Variants in AGTPBP1 observed in about 807,000 individuals in gnomAD.
AGTPBP1 encodes the protein cytosolic carboxypeptidase 1.
Under a neutral mutation model 143.9 loss-of-function variants are expected in AGTPBP1, and 70 were observed. That is an observed-to-expected ratio of 0.49 (90% CI 0.40 to 0.59). The LOEUF is 0.59. AGTPBP1 is among the 20% of genes least tolerant of loss of function. The pLI, the probability that AGTPBP1 is intolerant of heterozygous loss-of-function variation, is 0.00. For missense variants in AGTPBP1, 1,229 were observed against 1,464.5 expected (o/e 0.84, Z 2.62); for synonymous variants, 463 against 500.2 (o/e 0.93, Z 0.99).
the AGTPBP1 span, among the ~76,000 whole-genome samples, chr9:85,766,735 G>C: frequency 6.6e-6 from 1 of 152,020 alleles, no homozygotes; most frequent in Non-Finnish European, 1.5e-5. Context: ...CTCTTATCAC[G>C]ATTTTAAAGC....
intron 24 of AGTPBP1, among the ~76,000 whole-genome samples, chr9:85,576,858 G>GAAAGC (rs1827932415): frequency 6.6e-6 from 1 of 152,052 alleles, no homozygotes; most frequent in Non-Finnish European, 1.5e-5. Flanking sequence ...GACATTAAAG[G>GAAAGC]AAAGCCCTGG....
At position 85,599,830 on chromosome 9, in the gene AGTPBP1, T is replaced by C. The variant is rs146213576; in HGVS notation, c.2336-3381A>G. Reference sequence around the variant, plus strand: ...GGATGTCCACTGGCTTCCAGTGCTATAGATGAACAGTCCAATACTAGTTTA... The same window carrying C: ...GGATGTCCACTGGCTTCCAGTGCTACAGATGAACAGTCCAATACTAGTTTA... On this transcript the variant is annotated intron_variant, in intron 17 of 25. Transcript: ENST00000357081. Among the ~76,000 whole-genome samples the C allele has an allele frequency of 2.8e-3, 428 of 152,352 alleles. 5 individuals carry two copies. The highest frequency in any genetic ancestry group is 9.2e-3 in the African/African-American group (383 of 41,580).
intron 1 of AGTPBP1, among the ~76,000 whole-genome samples, chr9:85,718,888 G>C (rs1465962639): frequency 6.6e-6 from 1 of 152,102 alleles, no homozygotes; most frequent in Non-Finnish European, 1.5e-5. Flanking sequence ...TCTACATATG[G>C]CTCGCCAGTT....
chr9:85,615,585 AT>A (rs1304651495), intron 17 of AGTPBP1, among the ~76,000 whole-genome samples: 1 of 152,084 alleles, frequency 6.6e-6, no homozygotes, highest in Non-Finnish European at 1.5e-5. Flanking sequence ...CTTTCATACT[AT>A]AATCCCAAAT....
chr9:85,585,377 G>T, intron 23 of AGTPBP1, 86 bp downstream of exon 23: 1 of 1,239,292 alleles, frequency 8.1e-7, no homozygotes, highest in Non-Finnish European at 1.0e-6. Context: ...AATATTTATT[G>T]AATGTGAGTA....
chr9:85,561,761 G>A (rs1048881206), intron 25 of AGTPBP1, among the ~76,000 whole-genome samples: 5 of 151,750 alleles, frequency 3.3e-5, no homozygotes, highest in South Asian at 2.1e-4. Context: ...CAACAGATAC[G>A]TTGAGGGGGG....
At chr9:85,621,044 C>A (rs1283291055) in intron 15 of AGTPBP1, among the ~76,000 whole-genome samples, 158 bp downstream of exon 15, 2 of 151,976 alleles carry the variant, frequency 1.3e-5, no homozygotes, top group Admixed American at 1.3e-4. Context: ...AGGATGAAAA[C>A]CTAATTAAGT....
the AGTPBP1 span, chr9:85,753,367 C>T: frequency 3.7e-6 from 6 of 1,613,926 alleles, no homozygotes; most frequent in Non-Finnish European, 5.1e-6. Flanking sequence ...GACCTTGATG[C>T]ATGTAACTTG....
At chr9:85,637,521 C>T (rs1265384577) in intron 13 of AGTPBP1, among the ~76,000 whole-genome samples, 1 of 152,068 alleles carries the variant, frequency 6.6e-6, no homozygotes, top group Non-Finnish European at 1.5e-5. Flanking sequence ...CATGGGTAAA[C>T]CTCAAAAACA....
At chr9:85,582,058 C>G (rs1390906072) in intron 23 of AGTPBP1, among the ~76,000 whole-genome samples, 1 of 152,010 alleles carries the variant, frequency 6.6e-6, no homozygotes, top group Non-Finnish European at 1.5e-5. Flanking sequence ...TTTTGTAAAC[C>G]TTTTATTTTA....
intron 11 of AGTPBP1, among the ~76,000 whole-genome samples, chr9:85,653,530 C>T (rs146804403): frequency 3.3e-5 from 5 of 152,298 alleles, no homozygotes; most frequent in Non-Finnish European, 5.9e-5. Flanking sequence ...CCTATCCCAC[C>T]TCCTTCCTGG....
At chr9:85,718,121 T>C (rs1041598984) in intron 1 of AGTPBP1, among the ~76,000 whole-genome samples, 3 of 152,220 alleles carry the variant, frequency 2.0e-5, no homozygotes, top group Admixed American at 6.5e-5. Flanking sequence ...CTATTGTGAA[T>C]GGTGCCATAA....
intron 1 of AGTPBP1, among the ~76,000 whole-genome samples, chr9:85,725,721 A>G (rs79784314): frequency 0.015 from 2,255 of 152,110 alleles, 25 homozygotes; most frequent in Middle Eastern, 0.037. Context: ...ACTAGCCTGC[A>G]CAATATAGGG....
rs1835169010 is a variant in AGTPBP1 at position 85,681,439 on chromosome 9, A to G, written c.158-104T>C. On this transcript the variant is annotated intron_variant, in intron 3 of 25. Coordinates refer to ENST00000357081, the MANE Select transcript of AGTPBP1 (RefSeq NM_001330701.2). Reference sequence around the variant, plus strand: ...AGATTCAACAAGTCTCCACTGGTACAGTAAACACTCTAACTTGGTTCACAG... The same window carrying G: ...AGATTCAACAAGTCTCCACTGGTACGGTAAACACTCTAACTTGGTTCACAG... The G allele has an allele frequency of 1.8e-5, 16 of 870,644 alleles. No individual in the cohort carries two copies. In the South Asian group the frequency reaches 2.6e-4, roughly 14 times the overall value. The allele number at this position is 870,644 out of a possible 1,614,324, so 53.9% of individuals were successfully genotyped here.
At chr9:85,612,285 T>A (rs532865925) in intron 17 of AGTPBP1, among the ~76,000 whole-genome samples, 4 of 152,044 alleles carry the variant, frequency 2.6e-5, no homozygotes, top group Non-Finnish European at 4.4e-5. Context: ...CCAAACTCCA[T>A]CCTCAAGGGA....
At chr9:85,745,742 A>G (rs1332739686), upstream of AGTPBP1, among the ~76,000 whole-genome samples, 3 of 152,212 alleles carry the variant, frequency 2.0e-5, no homozygotes, top group Admixed American at 6.5e-5. Flanking sequence ...TCATGCCTGT[A>G]ATCCCAGCAT....
rs187091603 is a variant in AGTPBP1 at position 85,723,479 on chromosome 9, T to C, written c.-33-10913A>G. Among the ~76,000 whole-genome samples the C allele has an allele frequency of 4.6e-5, 7 of 152,284 alleles. No homozygotes were observed. The East Asian group carries it at 1.2e-3, about 25-fold the overall frequency. The stretch of plus-strand genomic sequence containing the variant: ...TGCACTAGCTGTGAGCAAGCCTCCA[T>C]GGGCGTGAGACCTGCTGAGCCAGGC... On this transcript the variant is annotated intron_variant, in intron 1 of 25. Transcript: ENST00000357081.
At chr9:85,628,787 CACCGCA>C (rs1564079918) in intron 14 of AGTPBP1, among the ~76,000 whole-genome samples, 1 of 152,148 alleles carries the variant, frequency 6.6e-6, no homozygotes, top group African/African-American at 2.4e-5. Context: ...GATCTCAGCT[CACCGCA>C]ACCTCTGCCT....
chr9:85,770,101 A>G, the AGTPBP1 span, among the ~76,000 whole-genome samples: 62 of 147,344 alleles, frequency 4.2e-4, 1 homozygote, highest in African/African-American at 1.2e-3. Context: ...ATGTGTATGT[A>G]TACACACATG....
Sources: gnomAD v4.1 joint callset for allele counts (sites outside exome capture counted in the v4.1 genomes callset) on GRCh38, gnomAD v4.1.1 for gene constraint, MANE v1.5 for transcripts, NCBI Gene and HGNC (gene_info 2026-07-23, HGNC 2026-07-21) for gene names.